Variants in ASNS observed in about 807,000 individuals in gnomAD.
The protein encoded by ASNS is asparagine synthetase (glutamine-hydrolyzing), also known as asparagine synthetase [glutamine-hydrolyzing].
ASNS carries 37 observed loss-of-function variants against 62.6 expected under a neutral mutation model. The ratio of observed to expected loss-of-function variants is 0.59; its 90% CI spans 0.45 to 0.78. The LOEUF is 0.78. Ranked by LOEUF, ASNS falls within the 30% of genes least tolerant of loss-of-function variation. The probability of loss-of-function intolerance (pLI) is 0.00; values close to 1 mark genes in which losing one functional copy is unlikely to be tolerated. For missense variants in ASNS, 520 were observed against 682.4 expected (o/e 0.76, Z 2.65); for synonymous variants, 207 against 237.9 (o/e 0.87, Z 1.19).
chr7:97,916,024 C>T, the ASNS span, among the ~76,000 whole-genome samples: 1 of 152,176 alleles, frequency 6.6e-6, no homozygotes, highest in African/African-American at 2.4e-5. Context: ...ACACATACAC[C>T]CTCAGGCTCA....
intron 4 of ASNS, among the ~76,000 whole-genome samples, chr7:97,860,159 C>A (rs1791646256): frequency 1.3e-5 from 2 of 152,184 alleles, no homozygotes; most frequent in African/African-American, 4.8e-5. Flanking sequence ...ATTCCCTCAC[C>A]AGCCAGCAGA....
the ASNS span, among the ~76,000 whole-genome samples, chr7:97,913,862 G>A: frequency 6.6e-6 from 1 of 151,758 alleles, no homozygotes; most frequent in African/African-American, 2.4e-5. Context: ...ATGGGTGGGT[G>A]GGCAGGTGGA....
the ASNS span, chr7:97,886,096 A>G: frequency 4.5e-6 from 2 of 444,004 alleles, no homozygotes. Context: ...GGGAGGCCTC[A>G]TTGCATCAGT....
At chr7:97,897,103 A>T in the ASNS span, among the ~76,000 whole-genome samples, 2 of 152,312 alleles carry the variant, frequency 1.3e-5, no homozygotes, top group South Asian at 2.1e-4. Context: ...TCTTGAGAAC[A>T]AAGATTGTAT....
intron 3 of ASNS, among the ~76,000 whole-genome samples, chr7:97,865,890 C>A (rs1791939985): frequency 6.6e-6 from 1 of 152,186 alleles, no homozygotes; most frequent in Non-Finnish European, 1.5e-5. Context: ...AGTTATACTG[C>A]AGCTGAAGCG....
chr7:97,883,515 T>C, the ASNS span, among the ~76,000 whole-genome samples: 4 of 152,160 alleles, frequency 2.6e-5, no homozygotes, highest in African/African-American at 4.8e-5. Context: ...GACACCACTA[T>C]AAACCAAGCC....
At chr7:97,880,934 T>TGTGTGTGTTTTTG in the ASNS span, among the ~76,000 whole-genome samples, 2 of 150,274 alleles carry the variant, frequency 1.3e-5, no homozygotes, top group Non-Finnish European at 3.0e-5. Flanking sequence ...TGTGTGTGTG[T>TGTGTGTGTTTTTG]TTTTGTTTTG....
At chr7:97,889,892 C>A in the ASNS span, among the ~76,000 whole-genome samples, 1 of 83,248 alleles carries the variant, frequency 1.2e-5, no homozygotes, top group Non-Finnish European at 2.3e-5. Context: ...ATTAAAGAAA[C>A]TCAGGGAGAT....
Position 97,868,995 on chromosome 7 carries a change from G to T in ASNS, c.162C>A (p.Asp54Glu). 6.2e-7 allele frequency: 1 copy of T among 1,614,170 alleles called. No individual in the cohort carries two copies. Among genetic ancestry groups the T allele is most frequent in the Non-Finnish European group, 8.5e-7 (1 of 1,180,044 alleles). ...CFGFHRLAVV[D>E]PLFGMQPIRV... ...GAATTGGCTGCATTCCAAACAGCGG[G>T]TCAACTACCGCCAACCGGTGAAATC... The change falls in exon 3 of 13, where the codon GAC becomes GAA. Residue 54 changes from aspartate to glutamate, a missense_variant. Transcript: ENST00000394308.
chr7:97,920,405 A>G, the ASNS span, among the ~76,000 whole-genome samples: 1 of 148,504 alleles, frequency 6.7e-6, no homozygotes, highest in East Asian at 2.1e-4. Flanking sequence ...CCACCCCCCA[A>G]TGCCCCCCGG....
chr7:97,918,194 T>C, the ASNS span, among the ~76,000 whole-genome samples: 1 of 152,082 alleles, frequency 6.6e-6, no homozygotes, highest in Non-Finnish European at 1.5e-5. Context: ...GAGGCGGTCG[T>C]GCCATCATCT....
chr7:97,862,153 T>G (rs947795324), intron 4 of ASNS, among the ~76,000 whole-genome samples: 2 of 152,168 alleles, frequency 1.3e-5, no homozygotes, highest in Admixed American at 6.5e-5. Context: ...ATAAACAAAT[T>G]GCATTGCATG....
At chr7:97,898,116 A>G in the ASNS span, among the ~76,000 whole-genome samples, 1 of 151,534 alleles carries the variant, frequency 6.6e-6, no homozygotes, top group African/African-American at 2.4e-5. Flanking sequence ...TTCTTTTTGG[A>G]GAGAGTCTCA....
At chr7:97,924,238 T>A in the ASNS span, among the ~76,000 whole-genome samples, 1 of 152,170 alleles carries the variant, frequency 6.6e-6, no homozygotes, top group African/African-American at 2.4e-5. Context: ...GGAATGTGCT[T>A]CATGTCTTCT....
the ASNS span, among the ~76,000 whole-genome samples, chr7:97,901,518 C>T: frequency 6.6e-6 from 1 of 152,198 alleles, no homozygotes; most frequent in East Asian, 1.9e-4. Flanking sequence ...TCCTCCACAC[C>T]TGGCAAGTTC....
In ASNS at chr7:97,864,478, A is replaced by T. The variant is rs1457546505; in HGVS notation, c.268T>A (p.Phe90Ile). Residue 90 changes from phenylalanine (F) to isoleucine (I), a missense_variant, in exon 4 of 13, where the codon TTT becomes ATT. Coordinates refer to ENST00000394308, the MANE Select transcript of ASNS (RefSeq NM_001673.5). The part of the protein sequence containing the change: ...NHKKMQQHFE[F>I]EYQTKVDGEI... ...CCATCCACTTTGGTCTGGTATTCAA[A>T]TTCAAAATGCTGTTGCATCTTAGGA... 2 of 1,613,806 alleles carry T rather than the reference A, an allele frequency of 1.2e-6. No individual in the cohort carries two copies. The highest frequency in any genetic ancestry group is 2.2e-5 in the South Asian group (2 of 91,060).
chr7:97,858,484 T>C, intron 6 of ASNS, 79 bp from the exon 7 acceptor site: 9 of 1,532,070 alleles, frequency 5.9e-6, no homozygotes, highest in South Asian at 4.8e-5. Flanking sequence ...ATATTCCTGA[T>C]AAACACCAAG....
chr7:97,916,238 G>A, the ASNS span, among the ~76,000 whole-genome samples: 21 of 152,034 alleles, frequency 1.4e-4, no homozygotes, highest in Non-Finnish European at 2.5e-4. Context: ...AAAATTAGCT[G>A]GGTATGGTTG....
chr7:97,864,432 T>A lies in ASNS; in HGVS notation c.314A>T (p.Tyr105Phe), dbSNP rs1372242502. 6.2e-7 allele frequency: 1 copy of A among 1,613,866 alleles called. No homozygotes were observed. The highest frequency in any genetic ancestry group is 8.5e-7 in the Non-Finnish European group (1 of 1,179,942). The change falls in exon 4 of 13, where the codon TAT becomes TTT. Residue 105 changes from tyrosine (Y) to phenylalanine (F), a missense_variant. Tyr to Phe is a conservative substitution (Grantham distance 22, BLOSUM62 3). Coordinates refer to ENST00000394308, the MANE Select transcript of ASNS (RefSeq NM_001673.5). The part of the protein sequence containing the change: ...KVDGEIILHL[Y>F]DKGGIEQTIC... The stretch of plus-strand genomic sequence containing the variant: ...TGTTTGCTCAATTCCTCCTTTGTCA[T>A]AAAGATGAAGGATTATCTCACCATC...
Sources: gnomAD v4.1 joint callset for allele counts (sites outside exome capture counted in the v4.1 genomes callset) on GRCh38, gnomAD v4.1.1 for gene constraint, MANE v1.5 for transcripts, NCBI Gene and HGNC (gene_info 2026-07-23, HGNC 2026-07-21) for gene names.